The following RASA3 variants were observed in gnomAD, a reference collection of about 807,000 sequenced individuals.
RASA3 encodes the protein ras GTPase-activating protein 3.
Under a neutral mutation model 110.0 loss-of-function variants are expected in RASA3, and 73 were observed. That is an observed-to-expected ratio of 0.66 (90% CI 0.55 to 0.81). RASA3 has a LOEUF of 0.81. Ranked by LOEUF, RASA3 falls within the 30% of genes least tolerant of loss-of-function variation. The pLI, the probability that RASA3 is intolerant of heterozygous loss-of-function variation, is 0.00. For missense variants in RASA3, 976 were observed against 1,113.2 expected (o/e 0.88, Z 1.75); for synonymous variants, 500 against 451.4 (o/e 1.11, Z -1.37).
intron 2 of RASA3, among the ~76,000 whole-genome samples, chr13:114,060,984 G>A (rs977106105): frequency 2.0e-4 from 29 of 144,802 alleles, no homozygotes; most frequent in Non-Finnish European, 3.5e-4. Context: ...CCCCACAGCC[G>A]GCAGACGGAG....
chr13:114,038,405 C>T (rs1393481042), intron 4 of RASA3, among the ~76,000 whole-genome samples: 1 of 152,282 alleles, frequency 6.6e-6, no homozygotes, highest in Admixed American at 6.5e-5. Flanking sequence ...GCAGTAATCA[C>T]AGCGTCCTTC....
At chr13:114,108,069 A>G (rs762491045) in intron 1 of RASA3, among the ~76,000 whole-genome samples, 3 of 151,900 alleles carry the variant, frequency 2.0e-5, no homozygotes, top group African/African-American at 7.3e-5. Context: ...GCCACTGGGT[A>G]AGGACCTCTC....
chr13:114,050,983 G>A (rs1376259529), intron 3 of RASA3, among the ~76,000 whole-genome samples: 1 of 152,242 alleles, frequency 6.6e-6, no homozygotes, highest in Non-Finnish European at 1.5e-5. Context: ...GAGCGCTGGG[G>A]AAAGGGGGCA....
At chr13:114,078,702 G>A (rs1240338581) in intron 1 of RASA3, among the ~76,000 whole-genome samples, 1 of 152,214 alleles carries the variant, frequency 6.6e-6, no homozygotes, top group South Asian at 2.1e-4. Context: ...CAAAAACAAA[G>A]GCCCTGATCC....
intron 3 of RASA3, among the ~76,000 whole-genome samples, chr13:114,042,990 G>A (rs540818153): frequency 3.4e-4 from 52 of 152,300 alleles, no homozygotes; most frequent in African/African-American, 1.1e-3. Context: ...CCCACCCTGC[G>A]AGGTCCCAGG....
At chr13:114,035,758 G>A (rs56064674) in intron 4 of RASA3, 53,147 of 152,242 alleles carry the variant, frequency 0.35, 9,814 homozygotes, top group Middle Eastern at 0.53. Context: ...ACAGGATGCA[G>A]AGGCCATGAG....
rs1431987623 is a variant in RASA3 at position 114,112,108 on chromosome 13, A to G, written c.55+20327T>C. Among the ~76,000 whole-genome samples the G allele has an allele frequency of 2.5e-5, 2 of 80,920 alleles. No homozygotes were observed. The highest frequency in any genetic ancestry group is 7.1e-5 in the African/African-American group (2 of 28,308). The allele number at this position is 80,920 out of a possible 152,430, so 53.1% of individuals were successfully genotyped here. ...ACAGCAGCCCCCAGGCACCCCCCCC[A>G]GCAACTGGGACAAGGGCACACCAGG... On this transcript the variant is annotated intron_variant, in intron 1 of 23. Coordinates refer to ENST00000334062, the MANE Select transcript of RASA3 (RefSeq NM_007368.4). The surrounding 1 kb of genome is among the most constrained non-coding windows in gnomAD (Gnocchi z 4.8).
intron 12 of RASA3, among the ~76,000 whole-genome samples, 169 bp downstream of exon 12, chr13:114,017,068 G>A (rs916272529): frequency 2.6e-5 from 4 of 152,196 alleles, no homozygotes; most frequent in Non-Finnish European, 5.9e-5. Flanking sequence ...GAGTACACAG[G>A]GAACATCCTC....
intron 1 of RASA3, among the ~76,000 whole-genome samples, chr13:114,076,015 G>A (rs558170870): frequency 2.6e-4 from 39 of 151,896 alleles, no homozygotes; most frequent in African/African-American, 8.5e-4. Flanking sequence ...GTATCTCTGC[G>A]TGTGGAGGCG....
rs2054281809 is a variant in RASA3 at position 114,036,554 on chromosome 13, T to TG, written c.372+4445dup. Among the ~76,000 whole-genome samples, 4 of 152,274 alleles carry TG rather than the reference T, an allele frequency of 2.6e-5. 1 individual carries two copies. In the South Asian group the frequency reaches 8.3e-4, roughly 32 times the overall value. On this transcript the variant is annotated intron_variant, in intron 4 of 23. Transcript: ENST00000334062. ...TTTTTTCTTCTTCTTCTTCTTTTTT[T>TG]GAGATGGAGTTTCACTCTTGTTGCC...
intron 22 of RASA3, among the ~76,000 whole-genome samples, chr13:113,989,320 AC>A (rs1466499185): frequency 3.3e-5 from 4 of 121,288 alleles, no homozygotes; most frequent in Admixed American, 1.7e-4. Context: ...CTGTTCATCC[AC>A]CCATCACTCA....
chr13:114,033,440 ACGCCCCACGGCACCCCCACAC>A, intron 4 of RASA3, among the ~76,000 whole-genome samples: 1 of 63,254 alleles, frequency 1.6e-5, no homozygotes, highest in Non-Finnish European at 3.1e-5. Context: ...CACTGACACC[ACGCCCCACGGCACCCCCACAC>A]TGACACCACG....
In RASA3 at chr13:114,016,083, G is replaced by A. The variant is rs982657152; in HGVS notation, c.1281+114C>T. 9 of 903,592 alleles carry A rather than the reference G, an allele frequency of 1.0e-5. No individual in the cohort carries two copies. The African/African-American group carries it at 1.5e-4, about 15-fold the overall frequency. The allele number at this position is 903,592 out of a possible 1,614,324, so 56.0% of individuals were successfully genotyped here. On this transcript the variant is annotated intron_variant, in intron 13 of 23. Transcript: ENST00000334062. ...GGTGAGGCGGGTATCCCCACGCCTG[G>A]TCCTGCTCCCACCCCAACCGGGGTC...
intron 1 of RASA3, among the ~76,000 whole-genome samples, chr13:114,099,418 G>C (rs1028766674): frequency 2.6e-5 from 4 of 151,896 alleles, no homozygotes; most frequent in African/African-American, 9.7e-5. Flanking sequence ...GGTCGGGGAG[G>C]GAGGGCGACT....
chr13:114,061,013 C>T (rs368667876), intron 2 of RASA3, among the ~76,000 whole-genome samples: 76 of 111,300 alleles, frequency 6.8e-4, no homozygotes, highest in Admixed American at 4.1e-3. Context: ...AGCCGGCAGA[C>T]GGAGCCCCCA....
chr13:114,083,049 T>A (rs1208063494), intron 1 of RASA3, among the ~76,000 whole-genome samples: 2 of 152,248 alleles, frequency 1.3e-5, no homozygotes, highest in Non-Finnish European at 2.9e-5. Context: ...CTGAGTGTGA[T>A]ATGTGTCGAC....
At chr13:114,063,956 T>C (rs547726107) in intron 2 of RASA3, among the ~76,000 whole-genome samples, 1 of 152,376 alleles carries the variant, frequency 6.6e-6, no homozygotes, top group South Asian at 2.1e-4. Context: ...TCATTTTTTC[T>C]TGAAATGCTC....
chr13:114,083,317 A>G (rs1348216102), intron 1 of RASA3, among the ~76,000 whole-genome samples: 2 of 152,224 alleles, frequency 1.3e-5, no homozygotes, highest in Admixed American at 1.3e-4. Context: ...CGTGAGCTCA[A>G]TTTCCTCCGA....
At chr13:114,021,576 C>T in intron 8 of RASA3, 68 bp from the exon 9 acceptor site, 1 of 1,290,912 alleles carries the variant, frequency 7.7e-7, no homozygotes, top group Non-Finnish European at 1.1e-6. Flanking sequence ...GATGACAGGC[C>T]ACGCTTTGTT....
Sources: gnomAD v4.1 joint callset for allele counts (sites outside exome capture counted in the v4.1 genomes callset) on GRCh38, gnomAD v4.1.1 for gene constraint, Gnocchi (gnomAD v3.1) non-coding constraint, MANE v1.5 for transcripts, NCBI Gene and HGNC (gene_info 2026-07-23, HGNC 2026-07-21) for gene names.